IL12RB2: variants seen among roughly 807,000 people sequenced by gnomAD.
The protein encoded by IL12RB2 is interleukin 12 receptor subunit beta 2.
A neutral mutation model predicts 89.4 loss-of-function variants in IL12RB2; 82 were observed. The observed-to-expected ratio is 0.92, with a 90% CI of 0.77 to 1.10. The LOEUF is 1.10. IL12RB2 is among the 50% of genes least tolerant of loss of function. The pLI is 0.00. For synonymous variants in IL12RB2, 368 were observed against 370.1 expected (o/e 0.99, Z 0.07); for missense variants, 963 against 1,031.9 (o/e 0.93, Z 0.92).
At chr1:67,364,017 C>T (rs1421392673) in intron 10 of IL12RB2, among the ~76,000 whole-genome samples, 1 of 152,182 alleles carries the variant, frequency 6.6e-6, no homozygotes, top group Non-Finnish European at 1.5e-5. Flanking sequence ...GGACTAAAAA[C>T]AGCAATTACA....
At chr1:67,328,407 A>T in intron 6 of IL12RB2, 23 bp downstream of exon 6, 1 of 1,613,750 alleles carries the variant, frequency 6.2e-7, no homozygotes, top group Non-Finnish European at 8.5e-7. Context: ...TCACTGTTTC[A>T]TTGGTACTTT....
rs1337853144 is a variant in IL12RB2 at position 67,326,837 on chromosome 1, A to G, written c.467A>G (p.Glu156Gly). ...ERGRDTHLYT[E>G]YTLQLSGPKN... is the part of the protein sequence containing the mutation. ...GGACGAGACACCCACTTATACACTG[A>G]GTATACTCTACAGTGAGTGAGAGGC... The change falls in exon 5 of 17, where the codon GAG becomes GGG. Residue 156 changes from glutamate (E) to glycine (G), a missense_variant. Coordinates refer to ENST00000674203, the MANE Select transcript of IL12RB2 (RefSeq NM_001374259.2). The G allele has an allele frequency of 6.2e-7, 1 of 1,607,962 alleles. No individual in the cohort carries two copies. Among genetic ancestry groups the G allele is most frequent in the Non-Finnish European group, 8.5e-7 (1 of 1,176,250 alleles).
chr1:67,388,634 G>A (rs1352652682), intron 15 of IL12RB2, among the ~76,000 whole-genome samples: 36 of 152,142 alleles, frequency 2.4e-4, no homozygotes, highest in East Asian at 1.9e-4. Flanking sequence ...GTGAGCCACC[G>A]CACCCAGCCT....
At chr1:67,335,940 T>G (rs1320167226) in intron 8 of IL12RB2, among the ~76,000 whole-genome samples, 1 of 152,230 alleles carries the variant, frequency 6.6e-6, no homozygotes, top group Non-Finnish European at 1.5e-5. Context: ...TAGAATTTGA[T>G]TCTTAGCTCT....
chr1:67,329,566 T>C, intron 6 of IL12RB2, 21 bp from the exon 7 acceptor site: 1 of 1,515,196 alleles, frequency 6.6e-7, no homozygotes, highest in Non-Finnish European at 9.2e-7. Flanking sequence ...ACCACACTTT[T>C]TTGTTTGTCC....
At chr1:67,361,439 G>T (rs889653019) in intron 10 of IL12RB2, among the ~76,000 whole-genome samples, 1 of 151,988 alleles carries the variant, frequency 6.6e-6, no homozygotes, top group Non-Finnish European at 1.5e-5. Flanking sequence ...CGATGGACAG[G>T]GTAATCAGAG....
intron 1 of IL12RB2, among the ~76,000 whole-genome samples, 199 bp downstream of exon 1, chr1:67,308,166 AG>A (rs780336850): frequency 3.8e-4 from 58 of 152,154 alleles, no homozygotes; most frequent in East Asian, 1.9e-4. Context: ...TCTTCATCAC[AG>A]TCCTAACGCC....
chr1:67,333,488 G>T (rs1467221744), intron 8 of IL12RB2, among the ~76,000 whole-genome samples: 1 of 149,970 alleles, frequency 6.7e-6, no homozygotes, highest in African/African-American at 2.5e-5. Context: ...TGAGAGAAAT[G>T]TAACATCTCC....
chr1:67,329,507 T>C, intron 6 of IL12RB2, 80 bp from the exon 7 acceptor site: 1 of 872,234 alleles, frequency 1.1e-6, no homozygotes, highest in South Asian at 1.3e-5. Flanking sequence ...TGTCAAACTC[T>C]TTATAGCTCA....
At chr1:67,356,474 AT>A (rs1490777115) in intron 10 of IL12RB2, among the ~76,000 whole-genome samples, 1 of 152,114 alleles carries the variant, frequency 6.6e-6, no homozygotes, top group Non-Finnish European at 1.5e-5. Flanking sequence ...ACCCTTCAGC[AT>A]TTTTTTCCTG....
chr1:67,393,345 T>C (rs867000762), intron 16 of IL12RB2, among the ~76,000 whole-genome samples: 4 of 152,342 alleles, frequency 2.6e-5, no homozygotes, highest in Middle Eastern at 3.4e-3. Flanking sequence ...GATAGTGGTT[T>C]AAGAGGCCTG....
intron 16 of IL12RB2, among the ~76,000 whole-genome samples, chr1:67,390,455 C>CTTT (rs67532605): frequency 0.065 from 7,017 of 107,360 alleles, 374 homozygotes; most frequent in East Asian, 0.16. Context: ...GCAAACTTTC[C>CTTT]TTTTTTTTTT....
chr1:67,323,302 T>A (rs1028609626), intron 4 of IL12RB2, among the ~76,000 whole-genome samples: 1 of 152,244 alleles, frequency 6.6e-6, no homozygotes, highest in African/African-American at 2.4e-5. Flanking sequence ...CACACCACTG[T>A]GAGTCATATA....
chr1:67,341,561 AAGAAAG>A (rs1659604545), intron 9 of IL12RB2, among the ~76,000 whole-genome samples: 1 of 142,118 alleles, frequency 7.0e-6, no homozygotes, highest in African/African-American at 2.6e-5. Context: ...GAAAGAAAGA[AAGAAAG>A]AAAGAAAGAA....
intron 10 of IL12RB2, among the ~76,000 whole-genome samples, chr1:67,356,608 C>T (rs1661423465): frequency 6.6e-6 from 1 of 152,126 alleles, no homozygotes; most frequent in Admixed American, 6.5e-5. Context: ...CTAAGGGGTG[C>T]CTGGGGACAA....
chr1:67,334,870 G>A (rs909587600), intron 8 of IL12RB2, among the ~76,000 whole-genome samples: 1 of 152,206 alleles, frequency 6.6e-6, no homozygotes, highest in Non-Finnish European at 1.5e-5. Flanking sequence ...TTGGCCCATG[G>A]GCCGTAGTTT....
intron 8 of IL12RB2, among the ~76,000 whole-genome samples, chr1:67,334,076 G>A (rs1173539184): frequency 4.6e-5 from 7 of 152,158 alleles, no homozygotes; most frequent in African/African-American, 1.2e-4. Flanking sequence ...AGGGTGAGGG[G>A]TGAATAATCC....
chr1:67,395,407 C>T (rs752228526), intron 16 of IL12RB2, 140 bp from the exon 17 acceptor site: 657 of 1,519,940 alleles, frequency 4.3e-4, no homozygotes, highest in Middle Eastern at 2.9e-3. Flanking sequence ...TCTCTTACCT[C>T]GCAAACTCCA....
chr1:67,330,509 A>G (rs1569829391), intron 7 of IL12RB2, 151 bp from the exon 8 acceptor site: 1 of 625,602 alleles, frequency 1.6e-6, no homozygotes, highest in East Asian at 2.7e-5. Context: ...ATTCGGTAAG[A>G]CAGTCACTGA....
Sources: gnomAD v4.1 joint callset for allele counts (sites outside exome capture counted in the v4.1 genomes callset) on GRCh38, gnomAD v4.1.1 for gene constraint, MANE v1.5 for transcripts, NCBI Gene and HGNC (gene_info 2026-07-23, HGNC 2026-07-21) for gene names.